The following CTPS2 variants were observed in gnomAD, a reference collection of about 807,000 sequenced individuals.
CTPS2 encodes CTP synthase 2.
In CTPS2, 19 loss-of-function variants were observed where a neutral mutation model predicts 46.8. The observed-to-expected ratio is 0.41, with a 90% CI of 0.28 to 0.60. The LOEUF is 0.60. Among genes scored for constraint, CTPS2 ranks in the 20% least tolerant of loss-of-function variants. The pLI is 0.35. For synonymous variants in CTPS2, 151 were observed against 165.2 expected, an observed-to-expected ratio of 0.91 and a Z score of 0.66; for missense variants, 286 against 447.6, an observed-to-expected ratio of 0.64 and a Z score of 3.26.
chrX:16,591,075 T>C, intron 17 of CTPS2: 1 of 298,839 alleles, frequency 3.3e-6, no homozygotes, highest in Non-Finnish European at 5.8e-6. Context: ...TGATCACTTA[T>C]TTTCATCGTA....
At position 16,699,102 on chromosome X, in the gene CTPS2, A is replaced by G. The variant is rs374566790; in HGVS notation, c.167-9T>C. The G allele has an allele frequency of 1.8e-3, 2,007 of 1,119,601 alleles. 4 individuals are homozygous for G. The highest frequency in any genetic ancestry group is 2.2e-3 in the Non-Finnish European group (1,874 of 853,562). 92.3% of individuals were successfully genotyped at this position (1,119,601 alleles called of 1,213,427 possible). Reference sequence around the variant, plus strand: ...TAAGACGAAGACTTCACCTAGGATTAAAAAGGCAATGGAAAAATCAAAACT... The same window carrying G: ...TAAGACGAAGACTTCACCTAGGATTGAAAAGGCAATGGAAAAATCAAAACT... On this transcript the variant is annotated splice_polypyrimidine_tract_variant and intron_variant, in intron 2 of 18. Transcript: ENST00000359276.
intron 14 of CTPS2, among the ~76,000 whole-genome samples, chrX:16,634,883 A>T (rs1347154444): frequency 9.4e-6 from 1 of 106,898 alleles, no homozygotes; most frequent in Non-Finnish European, 1.9e-5. Flanking sequence ...TGGGAGGCGG[A>T]GGTTGCAGTG....
chrX:16,666,447 G>A (rs1921193672), intron 13 of CTPS2, among the ~76,000 whole-genome samples: 1 of 111,571 alleles, frequency 9.0e-6, no homozygotes, highest in Admixed American at 9.6e-5. Context: ...GGAACCTCAG[G>A]CTGTATCTGA....
At chrX:16,635,299 G>A (rs1931685140) in intron 14 of CTPS2, among the ~76,000 whole-genome samples, 2 of 111,504 alleles carry the variant, frequency 1.8e-5, no homozygotes, top group South Asian at 3.7e-4. Flanking sequence ...CAAAAGAAAT[G>A]TACCAGCTTA....
intron 8 of CTPS2, among the ~76,000 whole-genome samples, chrX:16,687,254 C>A (rs1923277106): frequency 9.1e-6 from 1 of 109,542 alleles, no homozygotes; most frequent in African/African-American, 3.3e-5. Flanking sequence ...AATCCCAACA[C>A]TTTGGGAGGC....
At chrX:16,710,651 G>A (rs1479407365) in intron 1 of CTPS2, among the ~76,000 whole-genome samples, 3 of 111,509 alleles carry the variant, frequency 2.7e-5, no homozygotes, top group East Asian at 2.8e-4. Context: ...TTGGAGTCGC[G>A]CTCTGTCACC....
chrX:16,691,476 G>T, intron 7 of CTPS2, 64 bp downstream of exon 7: 3 of 917,476 alleles, frequency 3.3e-6, no homozygotes, highest in Non-Finnish European at 4.8e-6. Flanking sequence ...CATTGAAGAG[G>T]TACAAAACAC....
chrX:16,597,509 T>C (rs1206555521), intron 17 of CTPS2, among the ~76,000 whole-genome samples: 2 of 111,692 alleles, frequency 1.8e-5, no homozygotes, highest in South Asian at 3.7e-4. Flanking sequence ...GTTGCAGATA[T>C]GCGGTGTTAT....
At chrX:16,659,120 G>GAC (rs1932885267) in intron 13 of CTPS2, among the ~76,000 whole-genome samples, 1 of 111,946 alleles carries the variant, frequency 8.9e-6, no homozygotes, top group Admixed American at 9.5e-5. Flanking sequence ...GTTCAGTTCT[G>GAC]ATATCTAGCT....
chrX:16,653,730 G>A (rs1418010538), intron 13 of CTPS2, among the ~76,000 whole-genome samples: 1 of 112,304 alleles, frequency 8.9e-6, no homozygotes, highest in Non-Finnish European at 1.9e-5. Flanking sequence ...TAAAGCATGG[G>A]AACCATTGAG....
chrX:16,679,039 A>C (rs952462656), intron 9 of CTPS2, among the ~76,000 whole-genome samples: 10 of 110,450 alleles, frequency 9.1e-5, no homozygotes, highest in African/African-American at 3.0e-4. Context: ...AGCAGGAGAC[A>C]AAGAGAGGAG....
At chrX:16,664,024 GACAA>G (rs1933072621) in intron 13 of CTPS2, among the ~76,000 whole-genome samples, 1 of 110,935 alleles carries the variant, frequency 9.0e-6, no homozygotes, top group Non-Finnish European at 1.9e-5. Context: ...TTTTAGTAGA[GACAA>G]AGTTTCACCA....
At chrX:16,618,757 A>T (rs1395745968) in intron 15 of CTPS2, among the ~76,000 whole-genome samples, 1 of 112,207 alleles carries the variant, frequency 8.9e-6, no homozygotes, top group Non-Finnish European at 1.9e-5. Flanking sequence ...TCTTTGAAGA[A>T]ATATCTATTC....
At chrX:16,693,589 A>T (rs1923873889) in intron 4 of CTPS2, 102 bp from the exon 5 acceptor site, 4 of 558,198 alleles carry the variant, frequency 7.2e-6, no homozygotes, top group Non-Finnish European at 1.2e-5. Flanking sequence ...CATGAGAACT[A>T]AAGTTTGATG....
chrX:16,707,830 G>A (rs193103899), intron 1 of CTPS2, among the ~76,000 whole-genome samples: 28 of 110,873 alleles, frequency 2.5e-4, no homozygotes, highest in Admixed American at 2.4e-3. Context: ...AAAAGTAGCC[G>A]GGCGTGGTGG....
chrX:16,652,036 G>A (rs1932670525), intron 13 of CTPS2, among the ~76,000 whole-genome samples: 1 of 110,501 alleles, frequency 9.0e-6, no homozygotes, highest in Non-Finnish European at 1.9e-5. Context: ...GCCAGTGGAT[G>A]GAAAATTACC....
rs1021436258 is a variant in CTPS2 at position 16,691,025 on chromosome X, C to T, written c.720+515G>A. On this transcript the variant is annotated intron_variant, in intron 7 of 18. Transcript: ENST00000359276. ...TAGAGGTTTGACTGTGAGTTAAACACCCACCCTGGTACTGGGCACGATGGC... is the reference window on the plus strand; with the variant it reads ...TAGAGGTTTGACTGTGAGTTAAACATCCACCCTGGTACTGGGCACGATGGC... 5.3e-5 allele frequency among the ~76,000 whole-genome samples: 6 copies of T among 112,572 alleles called. No homozygotes were observed. The Admixed American group carries it at 5.7e-4, about 11-fold the overall frequency.
At chrX:16,654,574 T>C in intron 13 of CTPS2, 5 of 596,602 alleles carry the variant, frequency 8.4e-6, no homozygotes, top group African/African-American at 2.3e-5. Context: ...TCTTATCCTA[T>C]GTGGAATCCC....
intron 13 of CTPS2, among the ~76,000 whole-genome samples, chrX:16,644,296 G>C (rs1378623190): frequency 9.0e-6 from 1 of 110,537 alleles, no homozygotes; most frequent in Non-Finnish European, 1.9e-5. Context: ...CACCATGCCC[G>C]GCTAATTTTT....
Sources: allele counts gnomAD v4.1 joint callset (sites outside exome capture counted in the v4.1 genomes callset), GRCh38; gene constraint gnomAD v4.1.1; transcripts MANE v1.5; gene names NCBI Gene and HGNC (gene_info 2026-07-23, HGNC 2026-07-21).